Variants in DLG2 observed in about 807,000 individuals in gnomAD.
DLG2 encodes disks large homolog 2.
A neutral mutation model predicts 132.5 loss-of-function variants in DLG2; 45 were observed. The ratio of observed to expected loss-of-function variants is 0.34; its 90% CI spans 0.27 to 0.44. DLG2 has a LOEUF of 0.44. DLG2 is among the 20% of genes least tolerant of loss of function. DLG2 has a pLI of 1.00. For synonymous variants in DLG2, 424 were observed against 419.6 expected, an observed-to-expected ratio of 1.01 and a Z score of -0.13; for missense variants, 1,045 against 1,196.9, an observed-to-expected ratio of 0.87 and a Z score of 1.87.
At chr11:83,732,245 A>G (rs1249551405) in intron 18 of DLG2, among the ~76,000 whole-genome samples, 1 of 152,152 alleles carries the variant, frequency 6.6e-6, no homozygotes, top group African/African-American at 2.4e-5. Context: ...AGAAATAATT[A>G]AATTAATTAT....
intron 6 of DLG2, among the ~76,000 whole-genome samples, chr11:85,022,139 T>C (rs1222396225): frequency 6.6e-6 from 1 of 151,998 alleles, no homozygotes; most frequent in Non-Finnish European, 1.5e-5. Flanking sequence ...ATTTAGAGAC[T>C]AATTAATAGA....
At chr11:84,715,844 A>C (rs2061159901) in intron 6 of DLG2, among the ~76,000 whole-genome samples, 1 of 152,218 alleles carries the variant, frequency 6.6e-6, no homozygotes, top group South Asian at 2.1e-4. Flanking sequence ...GCTATTATGA[A>C]TTATTTAAAA....
At chr11:84,895,743 C>CTAATG (rs1479522416) in intron 6 of DLG2, among the ~76,000 whole-genome samples, 2 of 152,038 alleles carry the variant, frequency 1.3e-5, no homozygotes, top group African/African-American at 4.8e-5. Flanking sequence ...TGGGTATTGA[C>CTAATG]TAATGTGAAG....
At chr11:84,248,155 G>C (rs1252200823) in intron 8 of DLG2, among the ~76,000 whole-genome samples, 1 of 152,140 alleles carries the variant, frequency 6.6e-6, no homozygotes, top group Non-Finnish European at 1.5e-5. Flanking sequence ...GAACAAAGGG[G>C]AGAGTTGGGA....
intron 8 of DLG2, among the ~76,000 whole-genome samples, chr11:84,201,880 G>A (rs1207171715): frequency 3.5e-5 from 4 of 114,624 alleles, no homozygotes; most frequent in African/African-American, 6.7e-5. Context: ...GTGTTATGGT[G>A]GGGTTTCGGC....
chr11:83,755,773 T>A (rs1298533418), intron 18 of DLG2, among the ~76,000 whole-genome samples: 2 of 151,234 alleles, frequency 1.3e-5, no homozygotes, highest in African/African-American at 4.9e-5. Flanking sequence ...CAGTGAGGAA[T>A]AGGAAGTGAC....
At chr11:83,624,406 T>G (rs191048288) in intron 19 of DLG2, among the ~76,000 whole-genome samples, 1 of 152,350 alleles carries the variant, frequency 6.6e-6, no homozygotes, top group East Asian at 1.9e-4. Flanking sequence ...TCTTTCTATT[T>G]CTGGCATAAA....
intron 6 of DLG2, among the ~76,000 whole-genome samples, chr11:84,731,673 G>T (rs1416302747): frequency 6.6e-6 from 1 of 151,968 alleles, no homozygotes; most frequent in Non-Finnish European, 1.5e-5. Flanking sequence ...GGCTGAAGAA[G>T]ACAGTAGAGG....
At chr11:84,145,272 T>C (rs1422573005) in intron 9 of DLG2, among the ~76,000 whole-genome samples, 5 of 152,214 alleles carry the variant, frequency 3.3e-5, no homozygotes, top group African/African-American at 7.2e-5. Flanking sequence ...TTCTGAGAAA[T>C]AGATTGTTAG....
chr11:84,940,757 A>G (rs578069300), intron 6 of DLG2, among the ~76,000 whole-genome samples: 1 of 152,264 alleles, frequency 6.6e-6, no homozygotes, highest in Admixed American at 6.5e-5. Flanking sequence ...ACATTTTTAC[A>G]TTGGTTGCCT....
chr11:84,625,543 A>G (rs2099621171), intron 6 of DLG2, among the ~76,000 whole-genome samples: 1 of 152,142 alleles, frequency 6.6e-6, no homozygotes, highest in Non-Finnish European at 1.5e-5. Flanking sequence ...TGAGAACACA[A>G]TCTTATGATC....
chr11:85,182,521 T>A (rs2079784008), intron 4 of DLG2, among the ~76,000 whole-genome samples: 1 of 151,798 alleles, frequency 6.6e-6, no homozygotes, highest in South Asian at 2.1e-4. Context: ...TAAAAAGCAA[T>A]GAAAGGCTTT....
intron 7 of DLG2, among the ~76,000 whole-genome samples, chr11:84,336,237 A>G (rs758142803): frequency 2.2e-4 from 33 of 152,168 alleles, no homozygotes; most frequent in Admixed American, 8.5e-4. Context: ...GAAAATAAAT[A>G]ATCTGGTTAA....
intron 19 of DLG2, among the ~76,000 whole-genome samples, chr11:83,587,593 T>C (rs527889944): frequency 6.6e-6 from 1 of 152,198 alleles, no homozygotes; most frequent in Non-Finnish European, 1.5e-5. Context: ...AATTTATATA[T>C]AGAGAGAGTT....
At chr11:83,683,406 A>C (rs1212125761) in intron 18 of DLG2, among the ~76,000 whole-genome samples, 1 of 152,180 alleles carries the variant, frequency 6.6e-6, no homozygotes, top group Non-Finnish European at 1.5e-5. Context: ...CACGCAATTT[A>C]GTTTCAAAGC....
intron 3 of DLG2, chr11:85,286,285 A>G (rs2078553571): frequency 2.1e-5 from 6 of 292,078 alleles, no homozygotes; most frequent in African/African-American, 6.9e-5. Context: ...CAAGTTTCTT[A>G]CTGTTCTATA....
intron 3 of DLG2, among the ~76,000 whole-genome samples, chr11:85,588,303 T>C (rs551113046): frequency 4.6e-5 from 7 of 152,324 alleles, no homozygotes; most frequent in Non-Finnish European, 8.8e-5. Flanking sequence ...TTTAGATTTA[T>C]CTTCTTCCTC....
chr11:85,428,775 A>C (rs2090959786), intron 3 of DLG2, among the ~76,000 whole-genome samples: 1 of 152,248 alleles, frequency 6.6e-6, no homozygotes, highest in Non-Finnish European at 1.5e-5. Context: ...AATAACTAAG[A>C]TCAGAGCAGA....
chr11:84,600,054 G>A (rs2099571984), intron 6 of DLG2, among the ~76,000 whole-genome samples: 1 of 146,484 alleles, frequency 6.8e-6, no homozygotes, highest in Admixed American at 7.0e-5. Context: ...TGGAGCCACT[G>A]CATTCCAGCC....
Sources: allele counts gnomAD v4.1 joint callset (sites outside exome capture counted in the v4.1 genomes callset), GRCh38; gene constraint gnomAD v4.1.1; transcripts MANE v1.5; gene names NCBI Gene and HGNC (gene_info 2026-07-23, HGNC 2026-07-21).